Variants in NELL1 observed in about 807,000 individuals in gnomAD.
The protein encoded by NELL1 is neural EGFL like 1.
A neutral mutation model predicts 107.4 loss-of-function variants in NELL1; 76 were observed. The ratio of observed to expected loss-of-function variants is 0.71; its 90% confidence interval spans 0.59 to 0.86. The LOEUF (loss-of-function observed/expected upper bound fraction) is 0.86, where lower values mean the gene tolerates loss of function less well. Among genes scored for constraint, NELL1 ranks in the 40% least tolerant of loss-of-function variants. NELL1 has a pLI of 0.00. For missense variants in NELL1, 1,024 were observed against 1,005.5 expected (o/e 1.02, Z -0.25); for synonymous variants, 353 against 341.2 (o/e 1.03, Z -0.38).
chr11:21,309,260 GTATATATATATATATATA>G (rs35920508), intron 14 of NELL1, among the ~76,000 whole-genome samples: 19 of 99,658 alleles, frequency 1.9e-4, no homozygotes, highest in African/African-American at 4.6e-4. Flanking sequence ...ATATATATAT[GTATATATATATATATATA>G]TGTATATATA....
At chr11:21,095,067 A>T (rs1854608918) in intron 12 of NELL1, among the ~76,000 whole-genome samples, 1 of 152,118 alleles carries the variant, frequency 6.6e-6, no homozygotes, top group Admixed American at 6.5e-5. Context: ...CAGCCAAGTC[A>T]CCTCTTGAAT....
chr11:20,778,252 G>C (rs1004179444), intron 2 of NELL1, among the ~76,000 whole-genome samples: 5 of 152,142 alleles, frequency 3.3e-5, no homozygotes, highest in African/African-American at 1.2e-4. Flanking sequence ...TAAGGAAACT[G>C]TCTTGCTTAC....
chr11:21,257,266 C>A (rs1858793467), intron 14 of NELL1, among the ~76,000 whole-genome samples: 1 of 151,988 alleles, frequency 6.6e-6, no homozygotes, highest in Admixed American at 6.6e-5. Context: ...ACTAAGTGGG[C>A]ATTCTGAAGT....
intron 12 of NELL1, among the ~76,000 whole-genome samples, chr11:21,026,496 TTC>T (rs1179626116): frequency 1.3e-5 from 2 of 152,130 alleles, no homozygotes; most frequent in Non-Finnish European, 2.9e-5. Flanking sequence ...GCCATCCCCC[TTC>T]TCTCTTATAT....
chr11:20,984,938 C>T (rs1851822001), intron 12 of NELL1, among the ~76,000 whole-genome samples: 1 of 152,168 alleles, frequency 6.6e-6, no homozygotes, highest in African/African-American at 2.4e-5. Flanking sequence ...TAAAAATCCA[C>T]ATTGGTCTGA....
chr11:20,730,352 T>G (rs66496749), intron 2 of NELL1, among the ~76,000 whole-genome samples: 18,191 of 152,060 alleles, frequency 0.12, 1,194 homozygotes, highest in Non-Finnish European at 0.15. Context: ...CATGTAAATT[T>G]TGTGTGTGTA....
chr11:21,378,500 T>C (rs1439933551), intron 15 of NELL1, among the ~76,000 whole-genome samples: 1 of 151,800 alleles, frequency 6.6e-6, no homozygotes, highest in Non-Finnish European at 1.5e-5. Flanking sequence ...AGGAACCAGG[T>C]TGGTATGGAA....
chr11:20,971,052 C>G (rs540911687), intron 12 of NELL1, among the ~76,000 whole-genome samples: 1 of 152,252 alleles, frequency 6.6e-6, no homozygotes, highest in South Asian at 2.1e-4. Flanking sequence ...CTCTCGCAGT[C>G]AGGCTGCATC....
intron 5 of NELL1, among the ~76,000 whole-genome samples, chr11:20,891,700 A>C (rs1026898001): frequency 2.0e-5 from 3 of 152,196 alleles, no homozygotes; most frequent in Non-Finnish European, 4.4e-5. Flanking sequence ...AAAAAAAGGC[A>C]GGGGTTGGAA....
chr11:21,017,439 C>G (rs940476956), intron 12 of NELL1, among the ~76,000 whole-genome samples: 1 of 151,992 alleles, frequency 6.6e-6, no homozygotes, highest in African/African-American at 2.4e-5. Context: ...CTTTTGTGTT[C>G]CTAGTTCTTC....
chr11:20,985,213 A>G (rs1322535698), intron 12 of NELL1, among the ~76,000 whole-genome samples: 1 of 152,162 alleles, frequency 6.6e-6, no homozygotes, highest in Non-Finnish European at 1.5e-5. Context: ...AAGAATATGC[A>G]AGTACAGTAA....
chr11:20,895,410 G>GT (rs762863313), intron 5 of NELL1, among the ~76,000 whole-genome samples: 12 of 140,090 alleles, frequency 8.6e-5, no homozygotes, highest in Non-Finnish European at 1.5e-4. Flanking sequence ...CCCAGTCTCT[G>GT]TTATCTGTCT....
At chr11:20,824,309 T>C (rs1048005972) in intron 3 of NELL1, among the ~76,000 whole-genome samples, 1 of 151,306 alleles carries the variant, frequency 6.6e-6, no homozygotes, top group Non-Finnish European at 1.5e-5. Context: ...CTTTATAAAT[T>C]ACACAGTCTC....
chr11:20,672,689 A>T (rs1193883581), intron 1 of NELL1, among the ~76,000 whole-genome samples: 5 of 152,142 alleles, frequency 3.3e-5, no homozygotes, highest in Non-Finnish European at 7.4e-5. Flanking sequence ...GTTTTCACCA[A>T]TGCTTTGGCA....
chr11:20,773,902 C>T (rs930832920), intron 2 of NELL1, among the ~76,000 whole-genome samples: 1 of 152,156 alleles, frequency 6.6e-6, no homozygotes, highest in Non-Finnish European at 1.5e-5. Flanking sequence ...ATGAGGGACT[C>T]ACTCTCTGGT....
chr11:21,265,205 C>T (rs1176664972), intron 14 of NELL1, among the ~76,000 whole-genome samples: 2 of 151,894 alleles, frequency 1.3e-5, no homozygotes, highest in African/African-American at 4.8e-5. Context: ...CAGCCAAAAA[C>T]CAAAAAAATT....
chr11:21,534,591 G>A, intron 16 of NELL1, 77 bp downstream of exon 16: 1 of 1,454,058 alleles, frequency 6.9e-7, no homozygotes, highest in Non-Finnish European at 9.6e-7. Flanking sequence ...ACTCTGTTCA[G>A]CTCCCAGTGT....
intron 2 of NELL1, among the ~76,000 whole-genome samples, chr11:20,739,758 A>G (rs987013105): frequency 3.9e-5 from 6 of 152,200 alleles, no homozygotes; most frequent in Admixed American, 2.0e-4. Context: ...CACTTTCTGC[A>G]GGGTTCACAA....
chr11:20,819,608 G>T (rs887126680), intron 3 of NELL1, among the ~76,000 whole-genome samples: 4 of 152,146 alleles, frequency 2.6e-5, no homozygotes, highest in Admixed American at 2.6e-4. Flanking sequence ...TCAGATGAGG[G>T]TAAGATAAAT....
Sources: allele counts gnomAD v4.1 joint callset (sites outside exome capture counted in the v4.1 genomes callset), GRCh38; gene constraint gnomAD v4.1.1; transcripts MANE v1.5; gene names NCBI Gene and HGNC (gene_info 2026-07-23, HGNC 2026-07-21).